The following KANK4 variants were observed in gnomAD, a reference collection of about 807,000 sequenced individuals.
KANK4 encodes KN motif and ankyrin repeat domains 4.
Under a neutral mutation model 80.8 loss-of-function variants are expected in KANK4, and 50 were observed. The ratio of observed to expected loss-of-function variants is 0.62; its 90% CI spans 0.49 to 0.78. The LOEUF (loss-of-function observed/expected upper bound fraction) is 0.78. Among genes scored for constraint, KANK4 ranks in the 30% least tolerant of loss-of-function variants. The probability of loss-of-function intolerance (pLI) is 0.00; values close to 1 mark genes in which losing one functional copy is unlikely to be tolerated. For synonymous variants in KANK4, 465 were observed against 506.9 expected, an observed-to-expected ratio of 0.92 and a Z score of 1.11; for missense variants, 1,196 against 1,240.1, an observed-to-expected ratio of 0.96 and a Z score of 0.53.
intron 9 of KANK4, among the ~76,000 whole-genome samples, chr1:62,243,094 G>C (rs1263800665): frequency 1.3e-5 from 2 of 152,104 alleles, no homozygotes. Context: ...TGCCGGCTGG[G>C]CTTTCCCTAA....
At chr1:62,291,998 A>G (rs2765261) in intron 1 of KANK4, among the ~76,000 whole-genome samples, 53,024 of 151,942 alleles carry the variant, frequency 0.35, 10,698 homozygotes, top group African/African-American at 0.55. Flanking sequence ...CACCACCCCA[A>G]AAAGAAATGC....
At chr1:62,258,324 G>A (rs984902943) in intron 7 of KANK4, among the ~76,000 whole-genome samples, 1 of 152,316 alleles carries the variant, frequency 6.6e-6, no homozygotes, top group African/African-American at 2.4e-5. Flanking sequence ...GGCTTCTAAC[G>A]TTGAATACAG....
Position 62,274,608 on chromosome 1 carries a change from G to C in KANK4, c.496C>G (p.Pro166Ala), listed in dbSNP as rs759055416. 3.1e-6 allele frequency: 5 copies of C among 1,613,948 alleles called. No homozygotes were observed. Among genetic ancestry groups the C allele is most frequent in the Non-Finnish European group, 4.2e-6 (5 of 1,180,002 alleles). Residue 166 changes from proline to alanine, a missense_variant, in exon 3 of 10, where the codon CCT becomes GCT. By Grantham distance (27) the Pro-to-Ala change is conservative (BLOSUM62 -1). This residue lies in a region of KANK4 where 1,154 missense variants were observed against 1,179.6 expected (regional missense o/e 0.98). Transcript: ENST00000371153. ...GCCCTGCTGTGCAGCAGCGTGGCAG[G>C]CATGCTGGATGCTCTCAAGAGCTGG... Reference protein sequence around the residue: ...RPQLLRASSMPATLLHSRASE... With the variant: ...RPQLLRASSMAATLLHSRASE...
At position 62,281,727 on chromosome 1, in the gene KANK4, C is replaced by T. The variant is rs796661117; in HGVS notation, c.-70-93G>A. 14 of 815,888 alleles carry T rather than the reference C, an allele frequency of 1.7e-5. No homozygotes were observed. The African/African-American group carries it at 2.0e-4, about 12-fold the overall frequency. 50.5% of individuals were successfully genotyped at this position (815,888 alleles called of 1,614,324 possible). ...GCACTAAACAAAGTAACATCCATCC[C>T]TGCCTTTCTCCCAGGGTGCCCATGA... is the stretch of plus-strand genomic sequence containing the variant. On this transcript the variant is annotated intron_variant, in intron 1 of 9. Coordinates refer to ENST00000371153, the MANE Select transcript of KANK4 (RefSeq NM_181712.5).
At chr1:62,250,238 T>TC (rs1209104088) in intron 8 of KANK4, among the ~76,000 whole-genome samples, 1 of 152,164 alleles carries the variant, frequency 6.6e-6, no homozygotes, top group Non-Finnish European at 1.5e-5. Flanking sequence ...TCAGCCCGCC[T>TC]CGGCCTCCCA....
intron 2 of KANK4, among the ~76,000 whole-genome samples, chr1:62,279,502 C>A (rs914503642): frequency 6.6e-6 from 1 of 152,172 alleles, no homozygotes; most frequent in Non-Finnish European, 1.5e-5. Flanking sequence ...TCAAATAAAC[C>A]AACACATGGC....
At chr1:62,255,113 C>G (rs900244913) in intron 7 of KANK4, among the ~76,000 whole-genome samples, 2 of 151,896 alleles carry the variant, frequency 1.3e-5, no homozygotes, top group Admixed American at 1.3e-4. Flanking sequence ...TCTCAAACTC[C>G]TGACCTCATG....
intron 6 of KANK4, among the ~76,000 whole-genome samples, chr1:62,264,783 T>G (rs1465360065): frequency 6.6e-6 from 1 of 152,230 alleles, no homozygotes; most frequent in African/African-American, 2.4e-5. Context: ...GATCCTAATA[T>G]TAAGGAACAG....
chr1:62,302,337 A>G (rs1217080481), intron 1 of KANK4, among the ~76,000 whole-genome samples: 1 of 152,092 alleles, frequency 6.6e-6, no homozygotes, highest in Non-Finnish European at 1.5e-5. Flanking sequence ...AGGAGCTGGC[A>G]TAGGAGTCGA....
chr1:62,274,430 G>A lies in KANK4; in HGVS notation c.674C>T (p.Pro225Leu). Residue 225 changes from proline (P) to leucine (L), a missense_variant, in exon 3 of 10, where the codon CCA becomes CTA. Physicochemically the swap from Pro to Leu is moderately conservative, Grantham distance 98. This residue lies in a region of KANK4 where 1,154 missense variants were observed against 1,179.6 expected (regional missense o/e 0.98). Coordinates refer to ENST00000371153, the MANE Select transcript of KANK4 (RefSeq NM_181712.5). ...SSSPRASTRIPELVQEGAEPP... is the reference protein window; with the variant it reads ...SSSPRASTRILELVQEGAEPP... ...CTCAGCTCCCTCCTGGACCAGCTCT[G>A]GAATCCGAGTTGATGCTCGTGGGCT... 2 of 1,614,200 alleles carry A rather than the reference G, an allele frequency of 1.2e-6. No individual in the cohort carries two copies. Among genetic ancestry groups the A allele is most frequent in the Non-Finnish European group, 1.7e-6 (2 of 1,180,042 alleles).
intron 1 of KANK4, among the ~76,000 whole-genome samples, chr1:62,301,439 AAAC>A (rs1219979233): frequency 6.6e-6 from 1 of 152,098 alleles, no homozygotes; most frequent in Admixed American, 6.5e-5. Flanking sequence ...ACCGACACAC[AAAC>A]AACACAGGCA....
At position 62,273,266 on chromosome 1, in the gene KANK4, G is replaced by T. The variant is rs1483243381; in HGVS notation, c.1838C>A (p.Ala613Asp). 1 of 1,558,028 alleles carries T rather than the reference G, an allele frequency of 6.4e-7. No homozygotes were observed. The highest frequency in any genetic ancestry group is 8.7e-7 in the Non-Finnish European group (1 of 1,150,936). ...LLSSLNLLLS[A>D]YSAQAHPPKE... ...GGGTGGGTGAGCCTGGGCCGAGTAGGCCGACAGCAGCAGGTTGAGGGAGCT... is the reference window on the plus strand; with the variant it reads ...GGGTGGGTGAGCCTGGGCCGAGTAGTCCGACAGCAGCAGGTTGAGGGAGCT... Residue 613 changes from alanine (A) to aspartate (D), a missense_variant, in exon 3 of 10, where the codon GCC becomes GAC. Transcript: ENST00000371153.
chr1:62,308,020 TCACCCCGTATC>T (rs1320627414), intron 1 of KANK4, among the ~76,000 whole-genome samples: 1 of 152,074 alleles, frequency 6.6e-6, no homozygotes, highest in East Asian at 1.9e-4. Flanking sequence ...GTGCCTTTGC[TCACCCCGTATC>T]CACCCTGTAG....
intron 1 of KANK4, among the ~76,000 whole-genome samples, chr1:62,283,362 T>C (rs529722663): frequency 6.6e-6 from 1 of 152,308 alleles, no homozygotes; most frequent in East Asian, 1.9e-4. Flanking sequence ...ATTATTCCTA[T>C]TTTTAAGGGA....
Position 62,281,596 on chromosome 1 carries a change from A to G in KANK4, c.-32T>C, listed in dbSNP as rs761917920. The G allele has an allele frequency of 1.9e-6, 3 of 1,613,832 alleles. No individual in the cohort carries two copies. The Admixed American group carries it at 5.0e-5, about 27-fold the overall frequency. On this transcript the variant is annotated 5_prime_UTR_variant, in exon 2 of 10. Transcript: ENST00000371153. ...AGCGCTGACCCTCAGTGTCTCAGGC[A>G]CTCTTCATCCAATGAGTCTGTAAAA...
chr1:62,317,304 C>T (rs1011781987), intron 1 of KANK4, among the ~76,000 whole-genome samples: 2 of 152,168 alleles, frequency 1.3e-5, no homozygotes, highest in Non-Finnish European at 2.9e-5. Context: ...GGCTTTGGTT[C>T]ACTGTGAGCT....
Position 62,237,503 on chromosome 1 carries a change from A to C in KANK4, c.*774T>G, listed in dbSNP as rs1450571519. The C allele has an allele frequency of 1.3e-5, 2 of 152,020 alleles. No homozygotes were observed. Among genetic ancestry groups the C allele is most frequent in the Non-Finnish European group, 1.5e-5 (1 of 68,012 alleles). 9.4% of individuals were successfully genotyped at this position (152,020 alleles called of 1,614,324 possible). ...AGAGAATCTGACTCTGCCCAAATACATGTGGTGTGTGTCATTGGATTGAAT... is the reference window on the plus strand; with the variant it reads ...AGAGAATCTGACTCTGCCCAAATACCTGTGGTGTGTGTCATTGGATTGAAT... On this transcript the variant is annotated 3_prime_UTR_variant, in exon 10 of 10. Transcript: ENST00000371153.
chr1:62,275,850 GAGGGAGGGAGGAAGGA>G (rs1202408150), intron 2 of KANK4, among the ~76,000 whole-genome samples: 3 of 135,834 alleles, frequency 2.2e-5, no homozygotes, highest in African/African-American at 5.5e-5. Context: ...GAGAGGGAGG[GAGGGAGGGAGGAAGGA>G]AGGGAGGAAG....
intron 1 of KANK4, among the ~76,000 whole-genome samples, chr1:62,313,712 A>G (rs1037600842): frequency 2.0e-5 from 3 of 152,132 alleles, no homozygotes; most frequent in African/African-American, 7.2e-5. Context: ...GGTGAGGGGC[A>G]AGGGGAGGGA....
Sources: allele counts gnomAD v4.1 joint callset (sites outside exome capture counted in the v4.1 genomes callset), GRCh38; gene constraint gnomAD v4.1.1; regional missense constraint gnomAD v4.1.1; transcripts MANE v1.5; gene names NCBI Gene and HGNC (gene_info 2026-07-23, HGNC 2026-07-21).